The following UBIAD1 variants were observed in gnomAD, a reference collection of about 807,000 sequenced individuals.
UBIAD1 encodes the protein UbiA prenyltransferase domain containing 1.
In UBIAD1, 12 loss-of-function variants were observed where a neutral mutation model predicts 20.1. That is an observed-to-expected ratio of 0.60 (90% CI 0.38 to 0.97). The LOEUF (loss-of-function observed/expected upper bound fraction) is 0.97, where lower values mean the gene tolerates loss of function less well. UBIAD1 is among the 50% of genes least tolerant of loss of function. The pLI, the probability that UBIAD1 is intolerant of heterozygous loss-of-function variation, is 0.00. For synonymous variants in UBIAD1, 207 were observed against 189.2 expected (o/e 1.09, Z -0.77); for missense variants, 333 against 419.5 (o/e 0.79, Z 1.80).
Position 11,287,704 on chromosome 1 carries a change from C to G in UBIAD1, c.*1573C>G, listed in dbSNP as rs567210235. 6.6e-6 allele frequency: 1 copy of G among 152,106 alleles called. No individual in the cohort carries two copies. Among genetic ancestry groups the G allele is most frequent in the Admixed American group, 6.6e-5 (1 of 15,262 alleles). The allele number at this position is 152,106 out of a possible 1,614,324, so 9.4% of individuals were successfully genotyped here. A position where few individuals can be genotyped will look rare whatever the true frequency, so the allele number is the denominator to read the frequency against. On this transcript the variant is annotated 3_prime_UTR_variant, in exon 2 of 2. Transcript: ENST00000376810. ...CAGCACTTTGGGAGGCCGAGACGGG[C>G]GGATCACGAGGTCAGGAGATCGAGA...
chr1:11,276,506 A>G (rs1375407021), intron 1 of UBIAD1, among the ~76,000 whole-genome samples: 1 of 151,982 alleles, frequency 6.6e-6, no homozygotes, highest in Non-Finnish European at 1.5e-5. Context: ...TGTACTAAAA[A>G]TACAAAAATT....
downstream of UBIAD1, among the ~76,000 whole-genome samples, chr1:11,299,032 G>A (rs1174231403): frequency 6.6e-6 from 1 of 152,214 alleles, no homozygotes; most frequent in African/African-American, 2.4e-5. Context: ...GGCAGAGCAC[G>A]GTGTAATCCA....
chr1:11,286,345 G>GT lies in UBIAD1; in HGVS notation c.*215dup. 1 of 634,188 alleles carries GT rather than the reference G, an allele frequency of 1.6e-6. No individual in the cohort carries two copies. Among genetic ancestry groups the GT allele is most frequent in the Non-Finnish European group, 2.7e-6 (1 of 374,658 alleles). 39.3% of individuals were successfully genotyped at this position (634,188 alleles called of 1,614,324 possible). On this transcript the variant is annotated 3_prime_UTR_variant, in exon 2 of 2. Coordinates refer to ENST00000376810, the MANE Select transcript of UBIAD1 (RefSeq NM_013319.3). ...TATGGGGAATTTAAAAACCATTCTT[G>GT]TATCAGAAGGTGAATTAGGCGCATG... is the stretch of plus-strand genomic sequence containing the variant.
downstream of UBIAD1, chr1:11,292,192 A>C (rs561993037): frequency 6.6e-6 from 1 of 152,138 alleles, no homozygotes; most frequent in Admixed American, 6.6e-5. Flanking sequence ...TTTAGTATAG[A>C]TGGGGTTTCA....
At chr1:11,284,120 A>G (rs1652330521) in intron 1 of UBIAD1, among the ~76,000 whole-genome samples, 1 of 152,226 alleles carries the variant, frequency 6.6e-6, no homozygotes, top group South Asian at 2.1e-4. Flanking sequence ...ATTAATTAGA[A>G]GCATGATGAA....
intron 1 of UBIAD1, among the ~76,000 whole-genome samples, chr1:11,279,561 C>G (rs988422657): frequency 1.3e-5 from 2 of 152,126 alleles, no homozygotes; most frequent in South Asian, 4.1e-4. Flanking sequence ...GGATTACAGG[C>G]GTCTGCCACC....
At chr1:11,274,166 A>C in intron 1 of UBIAD1, 106 bp downstream of exon 1, 1 of 1,385,700 alleles carries the variant, frequency 7.2e-7, no homozygotes, top group Non-Finnish European at 1.0e-6. Context: ...TTCTAATTTA[A>C]GCCGCTTTAA....
chr1:11,277,611 C>G (rs920444419), intron 1 of UBIAD1, among the ~76,000 whole-genome samples: 2 of 152,052 alleles, frequency 1.3e-5, no homozygotes, highest in Admixed American at 6.5e-5. Flanking sequence ...AACTGCAGCT[C>G]TCTTTCACTA....
downstream of UBIAD1, among the ~76,000 whole-genome samples, chr1:11,292,684 C>T (rs1014941969): frequency 2.7e-5 from 4 of 150,640 alleles, no homozygotes; most frequent in South Asian, 2.1e-4. Context: ...CACACACACA[C>T]ACACACACAC....
Position 11,286,145 on chromosome 1 carries a change from T to TC in UBIAD1, c.*20dup. 6.2e-7 allele frequency: 1 copy of TC among 1,613,970 alleles called. No homozygotes were observed. The highest frequency in any genetic ancestry group is 8.5e-7 in the Non-Finnish European group (1 of 1,179,992). ...CCCAAAATTTAAGGGGACAAGTAGCTCCCCCCACGACATGTCTCCCTTTCT... is the reference window on the plus strand; with the variant it reads ...CCCAAAATTTAAGGGGACAAGTAGCTCCCCCCCACGACATGTCTCCCTTTCT... On this transcript the variant is annotated 3_prime_UTR_variant, in exon 2 of 2. Coordinates refer to ENST00000376810, the MANE Select transcript of UBIAD1 (RefSeq NM_013319.3).
Position 11,279,312 on chromosome 1 carries a change from C to T in UBIAD1, c.529+5252C>T, listed in dbSNP as rs912975195. On this transcript the variant is annotated intron_variant, in intron 1 of 1. Transcript: ENST00000376810. The stretch of plus-strand genomic sequence containing the variant: ...ATAAGCATAACTCAAAGGTTTTGAC[C>T]TGAGAACTGGAAGATACCATCTGGA... The T allele has an allele frequency of 3.2e-5, 7 of 216,102 alleles. No homozygotes were observed. In the South Asian group the frequency reaches 5.9e-4, roughly 18 times the overall value. 13.4% of individuals were successfully genotyped at this position (216,102 alleles called of 1,614,324 possible).
At chr1:11,282,665 C>T (rs868096929) in intron 1 of UBIAD1, among the ~76,000 whole-genome samples, 3 of 150,372 alleles carry the variant, frequency 2.0e-5, no homozygotes, top group Non-Finnish European at 2.9e-5. Flanking sequence ...CTGGTTCAAG[C>T]GATTCTCCTG....
chr1:11,295,181 C>A, downstream of UBIAD1: 1 of 456,510 alleles, frequency 2.2e-6, no homozygotes. Flanking sequence ...AGAGATGGGG[C>A]TGCTGGGTAT....
chr1:11,286,132 G>A lies in UBIAD1; in HGVS notation c.*1G>A, dbSNP rs539608579. The A allele has an allele frequency of 1.2e-6, 2 of 1,614,152 alleles. No homozygotes were observed. Among genetic ancestry groups the A allele is most frequent in the East Asian group, 4.5e-5 (2 of 44,884 alleles). ...AGCAGGCAGTCTGCCCAAAATTTAA[G>A]GGGACAAGTAGCTCCCCCCACGACA... On this transcript the variant is annotated 3_prime_UTR_variant, in exon 2 of 2. Coordinates refer to ENST00000376810, the MANE Select transcript of UBIAD1 (RefSeq NM_013319.3).
intron 1 of UBIAD1, among the ~76,000 whole-genome samples, chr1:11,281,341 A>C (rs981017909): frequency 5.3e-5 from 8 of 152,094 alleles, no homozygotes; most frequent in African/African-American, 1.9e-4. Flanking sequence ...TGCCATATAA[A>C]GTACTTAATT....
At position 11,285,762 on chromosome 1, in the gene UBIAD1, C is replaced by G; in HGVS notation, c.648C>G (p.Val216=). 2 of 1,614,204 alleles carry G rather than the reference C, an allele frequency of 1.2e-6. No individual in the cohort carries two copies. The highest frequency in any genetic ancestry group is 1.7e-6 in the Non-Finnish European group (2 of 1,180,034). ...GGTCCCTGGCCATCTTCCCACTGGT[C>G]TATGCCATCCCCCTCGCCCTCAGCA... ...QVGSLAIFPL[V]YAIPLALSTE... is the part of the protein sequence containing the mutation. Residue 216 remains valine, a synonymous_variant, in exon 2 of 2, where the codon GTC becomes GTG. Coordinates refer to ENST00000376810, the MANE Select transcript of UBIAD1 (RefSeq NM_013319.3). This position sits in a 1 kb window ranked among gnomAD's most constrained non-coding sequence, Gnocchi z 4.4.
downstream of UBIAD1, among the ~76,000 whole-genome samples, chr1:11,292,543 C>T (rs1034544399): frequency 5.3e-5 from 8 of 152,208 alleles, no homozygotes; most frequent in Non-Finnish European, 8.8e-5. Context: ...ACCTGCCCCA[C>T]GGGTTGGGAG....
chr1:11,292,668 T>TATATACACACACAC (rs1223161585), downstream of UBIAD1, among the ~76,000 whole-genome samples: 12 of 140,742 alleles, frequency 8.5e-5, no homozygotes, highest in South Asian at 2.6e-3. Flanking sequence ...ATTTTATGTA[T>TATATACACACACAC]ACACACACAC....
At chr1:11,289,752 T>C (rs1638334425), downstream of UBIAD1, among the ~76,000 whole-genome samples, 1 of 151,252 alleles carries the variant, frequency 6.6e-6, no homozygotes, top group Non-Finnish European at 1.5e-5. Flanking sequence ...ATATGTTTTA[T>C]ATATATCTCA....
Sources: allele counts gnomAD v4.1 joint callset (sites outside exome capture counted in the v4.1 genomes callset), GRCh38; gene constraint gnomAD v4.1.1; non-coding constraint Gnocchi (gnomAD v3.1); transcripts MANE v1.5; gene names NCBI Gene and HGNC (gene_info 2026-07-23, HGNC 2026-07-21).